ARHGEF12: variants seen among roughly 807,000 people sequenced by gnomAD.
ARHGEF12 encodes KMT2A/ARHGEF12 fusion protein.
A neutral mutation model predicts 211.2 loss-of-function variants in ARHGEF12; 66 were observed. The ratio of observed to expected loss-of-function variants is 0.31; its 90% CI spans 0.26 to 0.38. ARHGEF12 has a LOEUF of 0.38. Ranked by LOEUF, ARHGEF12 falls within the 10% of genes least tolerant of loss-of-function variation. ARHGEF12 has a pLI of 1.00. For missense variants in ARHGEF12, 1,429 were observed against 1,869.5 expected, an observed-to-expected ratio of 0.76 and a Z score of 4.34; for synonymous variants, 592 against 638.4, an observed-to-expected ratio of 0.93 and a Z score of 1.09.
At chr11:120,433,484 C>T (rs1041829149) in intron 11 of ARHGEF12, among the ~76,000 whole-genome samples, 1 of 152,156 alleles carries the variant, frequency 6.6e-6, no homozygotes, top group African/African-American at 2.4e-5. Context: ...TTGTCCCTAC[C>T]ATGAGATGGG....
intron 39 of ARHGEF12, among the ~76,000 whole-genome samples, chr11:120,483,936 G>A (rs1208164317): frequency 6.6e-6 from 1 of 151,688 alleles, no homozygotes; most frequent in Non-Finnish European, 1.5e-5. Flanking sequence ...TATAATTTTA[G>A]TAGAGACAGG....
chr11:120,396,613 G>A (rs1317419867), intron 1 of ARHGEF12, among the ~76,000 whole-genome samples: 2 of 152,058 alleles, frequency 1.3e-5, no homozygotes, highest in African/African-American at 2.4e-5. Context: ...TTCAACAAAC[G>A]GTGCTGGAAC....
At chr11:120,381,894 G>T (rs1376171201) in intron 1 of ARHGEF12, among the ~76,000 whole-genome samples, 2 of 152,050 alleles carry the variant, frequency 1.3e-5, no homozygotes, top group Non-Finnish European at 2.9e-5. Context: ...TGTATAAATG[G>T]AATGATACAG....
chr11:120,337,183 G>A lies in ARHGEF12; in HGVS notation c.-61G>A. The A allele has an allele frequency of 1.9e-6, 3 of 1,603,158 alleles. No homozygotes were observed. In the South Asian group the frequency reaches 3.3e-5, roughly 18 times the overall value. On this transcript the variant is annotated 5_prime_UTR_variant, in exon 1 of 41. Transcript: ENST00000397843. Reference sequence around the variant, plus strand: ...CTGATCCCAGAGCACTGGGGGTGGGGAGGAGGTGTTACTGTAAAATGCAAG... The same window carrying A: ...CTGATCCCAGAGCACTGGGGGTGGGAAGGAGGTGTTACTGTAAAATGCAAG...
Position 120,488,656 on chromosome 11 carries a change from C to A in ARHGEF12, c.*3579C>A. 4.5e-6 allele frequency: 1 copy of A among 221,262 alleles called. No homozygotes were observed. Among genetic ancestry groups the A allele is most frequent in the Non-Finnish European group, 9.1e-6 (1 of 110,242 alleles). 13.7% of individuals were successfully genotyped at this position (221,262 alleles called of 1,614,324 possible). Reference sequence around the variant, plus strand: ...GTGCCAACTGCTAAGCAGATATATTCCAAAAATGGTAACTGTCATGTGCAC... The same window carrying A: ...GTGCCAACTGCTAAGCAGATATATTACAAAAATGGTAACTGTCATGTGCAC... On this transcript the variant is annotated 3_prime_UTR_variant, in exon 41 of 41. Transcript: ENST00000397843.
At chr11:120,366,268 C>T (rs755509187) in intron 1 of ARHGEF12, among the ~76,000 whole-genome samples, 1 of 152,064 alleles carries the variant, frequency 6.6e-6, no homozygotes, top group Non-Finnish European at 1.5e-5. Flanking sequence ...AAAATAAAAC[C>T]TTGAGGACCC....
intron 1 of ARHGEF12, among the ~76,000 whole-genome samples, chr11:120,343,511 A>G (rs1942599198): frequency 6.6e-6 from 1 of 152,246 alleles, no homozygotes. Context: ...CTTTTAGTAA[A>G]AGAAAAAATA....
In ARHGEF12 at chr11:120,442,218, A is replaced by G. The variant is rs775099868; in HGVS notation, c.1302+16A>G. On this transcript the variant is annotated intron_variant, in intron 15 of 40. Coordinates refer to ENST00000397843, the MANE Select transcript of ARHGEF12 (RefSeq NM_015313.3). ...TCGATCAGCAGTAAGTTGCCAAGTT[A>G]ATGTTGTAATCTTTGCCTTAGTACA... 1.3e-6 allele frequency: 2 copies of G among 1,572,100 alleles called. No homozygotes were observed. Among genetic ancestry groups the G allele is most frequent in the Non-Finnish European group, 1.7e-6 (2 of 1,150,774 alleles).
rs1037881604 is a variant in ARHGEF12 at position 120,457,269 on chromosome 11, A to G, written c.2189+19A>G. 6.2e-7 allele frequency: 1 copy of G among 1,613,232 alleles called. No homozygotes were observed. Among genetic ancestry groups the G allele is most frequent in the African/African-American group, 1.3e-5 (1 of 74,894 alleles). On this transcript the variant is annotated intron_variant, in intron 23 of 40. Coordinates refer to ENST00000397843, the MANE Select transcript of ARHGEF12 (RefSeq NM_015313.3). ...TAGAAAGGTAATTCAGTGATCTCTT[A>G]GAGAAGCTTAGGGCATTACTTAAAG...
At chr11:120,383,479 AC>A (rs530915314) in intron 1 of ARHGEF12, among the ~76,000 whole-genome samples, 130 of 152,184 alleles carry the variant, frequency 8.5e-4, no homozygotes, top group African/African-American at 3.1e-3. Context: ...ATCAGTGGGA[AC>A]CCTGAGTTTG....
chr11:120,391,812 A>G (rs576572181), intron 1 of ARHGEF12, among the ~76,000 whole-genome samples: 45 of 152,330 alleles, frequency 3.0e-4, no homozygotes, highest in African/African-American at 1.0e-3. Flanking sequence ...CTAAAAATCT[A>G]CCTTCAAGAT....
intron 39 of ARHGEF12, among the ~76,000 whole-genome samples, chr11:120,483,835 C>T (rs1467365764): frequency 6.6e-6 from 1 of 152,064 alleles, no homozygotes; most frequent in Non-Finnish European, 1.5e-5. Flanking sequence ...TGGATGGTCT[C>T]GATCTCCTGA....
intron 15 of ARHGEF12, among the ~76,000 whole-genome samples, chr11:120,442,979 C>A (rs1404021212): frequency 6.6e-6 from 1 of 151,704 alleles, no homozygotes; most frequent in African/African-American, 2.4e-5. Flanking sequence ...TTATACCATA[C>A]CATGTACTCT....
chr11:120,421,563 G>A (rs760762660), intron 5 of ARHGEF12, among the ~76,000 whole-genome samples: 5 of 150,366 alleles, frequency 3.3e-5, no homozygotes, highest in African/African-American at 9.8e-5. Context: ...TCAGCCTGCC[G>A]AGCAGCTGGG....
At chr11:120,476,851 GCACTTC>G (rs1222945980) in intron 34 of ARHGEF12, 103 bp downstream of exon 34, 9 of 865,864 alleles carry the variant, frequency 1.0e-5, no homozygotes, top group Non-Finnish European at 1.4e-5. Context: ...TGGAAACCAA[GCACTTC>G]CTCTGTACTC....
intron 1 of ARHGEF12, among the ~76,000 whole-genome samples, chr11:120,403,336 G>A (rs749778748): frequency 9.9e-5 from 15 of 151,892 alleles, no homozygotes; most frequent in Admixed American, 6.6e-4. Context: ...GCGAAACCCC[G>A]TCTCTACTAA....
At position 120,420,327 on chromosome 11, in the gene ARHGEF12, C is replaced by T. The variant is rs573968086; in HGVS notation, c.200-426C>T. On this transcript the variant is annotated intron_variant, in intron 4 of 40. Transcript: ENST00000397843. ...TCTGCAGAATTTTCCTTGAGATGCT[C>T]CTAGCCCCATGTCCTAAGATGGTTG... Among the ~76,000 whole-genome samples the T allele has an allele frequency of 8.7e-4, 132 of 152,114 alleles. 1 individual carries two copies. Among genetic ancestry groups the T allele is most frequent in the Non-Finnish European group, 1.6e-3 (111 of 68,010 alleles).
chr11:120,372,992 G>A lies in ARHGEF12; in HGVS notation c.33-33126G>A, dbSNP rs17123858. Among the ~76,000 whole-genome samples, 722 of 151,078 alleles carry A rather than the reference G, an allele frequency of 4.8e-3. 5 individuals carry two copies. Among genetic ancestry groups the A allele is most frequent in the African/African-American group, 0.016 (648 of 41,020 alleles). ...AATAAATGTTGAAAAAAGCTATTCC[G>A]TATTACCAGTATAATCTAAACTGAA... On this transcript the variant is annotated intron_variant, in intron 1 of 40. Coordinates refer to ENST00000397843, the MANE Select transcript of ARHGEF12 (RefSeq NM_015313.3).
chr11:120,382,273 G>A (rs1394001654), intron 1 of ARHGEF12, among the ~76,000 whole-genome samples: 1 of 152,208 alleles, frequency 6.6e-6, no homozygotes, highest in Non-Finnish European at 1.5e-5. Context: ...TTATAGAAAT[G>A]GAGTTGTGCA....
Sources: gnomAD v4.1 joint callset for allele counts (sites outside exome capture counted in the v4.1 genomes callset) on GRCh38, gnomAD v4.1.1 for gene constraint, MANE v1.5 for transcripts, NCBI Gene and HGNC (gene_info 2026-07-23, HGNC 2026-07-21) for gene names.